TMEM131: variants seen among roughly 807,000 people sequenced by gnomAD.
TMEM131 encodes the protein 2610524E03Rik.
In TMEM131, 66 loss-of-function variants were observed where a neutral mutation model predicts 211.6. The observed-to-expected ratio is 0.31, with a 90% CI of 0.26 to 0.38. The LOEUF is 0.38. TMEM131 is among the 10% of genes least tolerant of loss of function. The pLI, the probability that TMEM131 is intolerant of heterozygous loss-of-function variation, is 1.00. For synonymous variants in TMEM131, 844 were observed against 841.3 expected, an observed-to-expected ratio of 1.00 and a Z score of -0.06; for missense variants, 2,036 against 2,299.3, an observed-to-expected ratio of 0.89 and a Z score of 2.34.
intron 33 of TMEM131, among the ~76,000 whole-genome samples, chr2:97,768,357 C>A (rs916943143): frequency 5.9e-5 from 9 of 152,130 alleles, no homozygotes; most frequent in African/African-American, 2.2e-4. Flanking sequence ...AGACACCAGC[C>A]CTCTGGTGGT....
chr2:97,781,724 A>G (rs1316857647), intron 31 of TMEM131, among the ~76,000 whole-genome samples: 1 of 152,240 alleles, frequency 6.6e-6, no homozygotes, highest in Non-Finnish European at 1.5e-5. Context: ...AAAGGCAGAG[A>G]AGGTGACAGA....
chr2:97,941,112 G>T (rs142238274), intron 1 of TMEM131, among the ~76,000 whole-genome samples: 46,999 of 151,968 alleles, frequency 0.31, 8,574 homozygotes, highest in Non-Finnish European at 0.39. Flanking sequence ...CATGGTACTG[G>T]TACCAAAACA....
intron 1 of TMEM131, among the ~76,000 whole-genome samples, chr2:97,989,482 A>G (rs1432016348): frequency 2.0e-5 from 3 of 151,988 alleles, no homozygotes; most frequent in Non-Finnish European, 4.4e-5. Flanking sequence ...GGAGAGAAAT[A>G]GGAAGTTGTT....
At chr2:97,767,032 C>G (rs1342645785) in intron 33 of TMEM131, among the ~76,000 whole-genome samples, 1 of 152,130 alleles carries the variant, frequency 6.6e-6, no homozygotes, top group Admixed American at 6.5e-5. Flanking sequence ...TTTGAAAGAT[C>G]TCACATCTAT....
intron 1 of TMEM131, among the ~76,000 whole-genome samples, chr2:97,975,329 T>C (rs1293692479): frequency 1.3e-5 from 2 of 151,742 alleles, no homozygotes; most frequent in African/African-American, 2.4e-5. Flanking sequence ...CAGAGAATAA[T>C]AAAGCCAAAA....
At chr2:97,864,364 A>G (rs1674188942) in intron 4 of TMEM131, among the ~76,000 whole-genome samples, 2 of 152,328 alleles carry the variant, frequency 1.3e-5, no homozygotes, top group Admixed American at 6.5e-5. Flanking sequence ...TACCTTTTAA[A>G]TAACTACAAT....
Position 97,812,567 on chromosome 2 carries a change from GAT to G in TMEM131, c.1729-14_1729-13del, listed in dbSNP as rs1559375019. The G allele has an allele frequency of 6.3e-7, 1 of 1,596,214 alleles. No individual in the cohort carries two copies. Among genetic ancestry groups the G allele is most frequent in the East Asian group, 2.2e-5 (1 of 44,728 alleles). ...CTTTTTATAGCCAACTTTAAAAAAA[GAT>G]ATGAAAATGATTATCACAACACAAG... On this transcript the variant is annotated splice_polypyrimidine_tract_variant and intron_variant, in intron 16 of 40. Transcript: ENST00000186436.
intron 4 of TMEM131, among the ~76,000 whole-genome samples, chr2:97,869,701 G>C (rs1674415613): frequency 6.6e-6 from 1 of 152,176 alleles, no homozygotes; most frequent in Non-Finnish European, 1.5e-5. Context: ...TGAACAGCTT[G>C]CCTTCCTCCT....
At chr2:97,800,565 C>T (rs1680979742) in intron 25 of TMEM131, among the ~76,000 whole-genome samples, 1 of 129,808 alleles carries the variant, frequency 7.7e-6, no homozygotes, top group Non-Finnish European at 1.6e-5. Flanking sequence ...GCCTGGCCAA[C>T]ATGGTGAAAC....
chr2:97,846,871 A>G (rs964034054), intron 5 of TMEM131, among the ~76,000 whole-genome samples: 7 of 152,114 alleles, frequency 4.6e-5, no homozygotes, highest in Non-Finnish European at 1.0e-4. Context: ...TATGACAGCT[A>G]TCTAACACTG....
intron 2 of TMEM131, among the ~76,000 whole-genome samples, chr2:97,910,699 C>T (rs555076925): frequency 6.6e-6 from 1 of 152,224 alleles, no homozygotes; most frequent in African/African-American, 2.4e-5. Flanking sequence ...TTTTGATTTG[C>T]ATTTCTCTAA....
At chr2:97,809,906 T>A in intron 18 of TMEM131, 132 bp from the exon 19 acceptor site, 1 of 642,588 alleles carries the variant, frequency 1.6e-6, no homozygotes, top group Non-Finnish European at 2.8e-6. Flanking sequence ...ATACCAATAT[T>A]AAAATCACCC....
chr2:97,861,775 C>G (rs930320329), intron 4 of TMEM131, among the ~76,000 whole-genome samples: 5 of 152,148 alleles, frequency 3.3e-5, no homozygotes, highest in Non-Finnish European at 5.9e-5. Flanking sequence ...GACACACCTA[C>G]AGACCCACCT....
intron 31 of TMEM131, among the ~76,000 whole-genome samples, chr2:97,783,636 A>G (rs1480840319): frequency 2.0e-5 from 3 of 152,050 alleles, no homozygotes; most frequent in Non-Finnish European, 4.4e-5. Context: ...GAGATACACT[A>G]AAAAATGCTA....
intron 2 of TMEM131, among the ~76,000 whole-genome samples, chr2:97,918,242 C>G (rs1241667569): frequency 6.6e-6 from 1 of 152,132 alleles, no homozygotes; most frequent in African/African-American, 2.4e-5. Flanking sequence ...CTGCGCCCGG[C>G]CAACATGGTT....
At chr2:97,888,420 T>A (rs1301088572) in intron 3 of TMEM131, among the ~76,000 whole-genome samples, 1 of 152,238 alleles carries the variant, frequency 6.6e-6, no homozygotes, top group Non-Finnish European at 1.5e-5. Context: ...TATACTTTAA[T>A]AGGTCGCTTG....
chr2:97,856,830 CAAG>C lies in TMEM131; in HGVS notation c.483+2471_483+2473del, dbSNP rs566257093. Among the ~76,000 whole-genome samples, 58 of 152,102 alleles carry C rather than the reference CAAG, an allele frequency of 3.8e-4. No homozygotes were observed. In the East Asian group the frequency reaches 0.011, roughly 28 times the overall value. The stretch of plus-strand genomic sequence containing the variant: ...ATTGTAGGGAAAAAAAGATGCAAAG[CAAG>C]AAGAAGAAAAAAGGATAAGAGGAGA... On this transcript the variant is annotated intron_variant, in intron 5 of 40. Coordinates refer to ENST00000186436, the MANE Select transcript of TMEM131 (RefSeq NM_015348.2).
At position 97,995,901 on chromosome 2, in the gene TMEM131, G is replaced by C. The variant is rs182895199; in HGVS notation, c.-239C>G. On this transcript the variant is annotated 5_prime_UTR_variant, in exon 1 of 41. Transcript: ENST00000186436. ...AGCAGTCGGAGCGGAGAGGCCGCGGGTCAGGCGCGGCGGGCGGCCATACTG... is the reference window on the plus strand; with the variant it reads ...AGCAGTCGGAGCGGAGAGGCCGCGGCTCAGGCGCGGCGGGCGGCCATACTG... 2.9e-3 allele frequency: 649 copies of C among 222,368 alleles called. 6 individuals are homozygous for C. Among genetic ancestry groups the C allele is most frequent in the African/African-American group, 0.014 (622 of 43,346 alleles). The allele number at this position is 222,368 out of a possible 1,614,324, so 13.8% of individuals were successfully genotyped here. A position where few individuals can be genotyped will look rare whatever the true frequency, so the allele number is the denominator to read the frequency against.
rs189404821 is a variant in TMEM131, at chr2:97,774,723, C to T, written c.4320+1120G>A. 3.5e-3 allele frequency among the ~76,000 whole-genome samples: 536 copies of T among 152,308 alleles called. 1 individual carries two copies. Among genetic ancestry groups the T allele is most frequent in the African/African-American group, 0.012 (513 of 41,568 alleles). On this transcript the variant is annotated intron_variant, in intron 32 of 40. Transcript: ENST00000186436. ...GGTGGGAAGGGAAGTGGGAGAAAGT[C>T]GTGCAGAAAATGCCTTCCGAACGCT... is the stretch of plus-strand genomic sequence containing the variant.
Sources: gnomAD v4.1 joint callset for allele counts (sites outside exome capture counted in the v4.1 genomes callset) on GRCh38, gnomAD v4.1.1 for gene constraint, MANE v1.5 for transcripts, NCBI Gene and HGNC (gene_info 2026-07-23, HGNC 2026-07-21) for gene names.